Variants in ANKRD10 observed in about 807,000 individuals in gnomAD.
The protein encoded by ANKRD10 is ankyrin repeat domain-containing protein 10.
In ANKRD10, 14 loss-of-function variants were observed where a neutral mutation model predicts 27.0. That is an observed-to-expected ratio of 0.52 (90% confidence interval 0.34 to 0.81). The LOEUF is 0.81. Among genes scored for constraint, ANKRD10 ranks in the 40% least tolerant of loss-of-function variants. The probability of loss-of-function intolerance (pLI) is 0.01; values close to 1 mark genes in which losing one functional copy is unlikely to be tolerated. For synonymous variants in ANKRD10, 250 were observed against 224.5 expected, an observed-to-expected ratio of 1.11 and a Z score of -1.01; for missense variants, 493 against 544.0, an observed-to-expected ratio of 0.91 and a Z score of 0.93.
chr13:110,898,289 A>G (rs544620515), intron 3 of ANKRD10, among the ~76,000 whole-genome samples: 1 of 152,366 alleles, frequency 6.6e-6, no homozygotes, highest in Admixed American at 6.5e-5. Context: ...CAAGTACGTT[A>G]GACTGAAAAT....
At chr13:110,890,853 C>T (rs1237636299) in intron 4 of ANKRD10, among the ~76,000 whole-genome samples, 1 of 152,174 alleles carries the variant, frequency 6.6e-6, no homozygotes. Context: ...TCAACCAAAA[C>T]AAATCCTCCT....
intron 5 of ANKRD10, among the ~76,000 whole-genome samples, chr13:110,880,471 G>A (rs1195644364): frequency 6.6e-6 from 1 of 152,062 alleles, no homozygotes; most frequent in Admixed American, 6.5e-5. Context: ...TTAAAAAATC[G>A]CCCCTGAAAA....
At chr13:110,897,685 T>C (rs1370104229) in intron 3 of ANKRD10, among the ~76,000 whole-genome samples, 4 of 152,202 alleles carry the variant, frequency 2.6e-5, no homozygotes, top group African/African-American at 7.2e-5. Flanking sequence ...GATGTCTCCA[T>C]ATATGGATTT....
At chr13:110,889,238 T>A (rs916606225) in intron 4 of ANKRD10, among the ~76,000 whole-genome samples, 2 of 152,130 alleles carry the variant, frequency 1.3e-5, no homozygotes, top group Non-Finnish European at 2.9e-5. Flanking sequence ...AGCCCATGCA[T>A]CATACCATCA....
intron 3 of ANKRD10, chr13:110,903,627 A>G (rs1303793484): frequency 6.5e-6 from 1 of 153,104 alleles, no homozygotes; most frequent in Non-Finnish European, 1.5e-5. Context: ...CTGATGTCCA[A>G]AAAAGCACAA....
intron 4 of ANKRD10, 131 bp downstream of exon 4, chr13:110,892,897 C>T (rs532667828): frequency 9.7e-5 from 141 of 1,458,378 alleles, no homozygotes; most frequent in Middle Eastern, 1.8e-4. Flanking sequence ...CCACCGTCAC[C>T]GCACAATCCA....
chr13:110,898,095 G>T (rs923281641), intron 3 of ANKRD10, among the ~76,000 whole-genome samples: 12 of 152,140 alleles, frequency 7.9e-5, no homozygotes, highest in African/African-American at 2.7e-4. Flanking sequence ...CTTGAGAGGG[G>T]TGTAAAACAA....
chr13:110,890,459 A>C (rs1007603168), intron 4 of ANKRD10, among the ~76,000 whole-genome samples: 1 of 152,186 alleles, frequency 6.6e-6, no homozygotes, highest in African/African-American at 2.4e-5. Flanking sequence ...AAAAAATATA[A>C]ACACACTCTT....
intron 4 of ANKRD10, among the ~76,000 whole-genome samples, chr13:110,887,671 T>C (rs2064968110): frequency 6.6e-6 from 1 of 152,188 alleles, no homozygotes; most frequent in Non-Finnish European, 1.5e-5. Context: ...ATTTTACAAG[T>C]CAGAAACTGC....
intron 3 of ANKRD10, chr13:110,894,402 GCAAAA>G (rs2065165346): frequency 1.8e-4 from 2 of 11,070 alleles, no homozygotes; most frequent in Non-Finnish European, 3.7e-4. Context: ...TACTGTTAAT[GCAAAA>G]AAAAAAAAAA....
intron 3 of ANKRD10, among the ~76,000 whole-genome samples, chr13:110,902,614 T>C (rs969900493): frequency 2.6e-5 from 4 of 152,200 alleles, no homozygotes; most frequent in Non-Finnish European, 5.9e-5. Context: ...TATCTGATGA[T>C]CCCAGTTAAG....
chr13:110,914,608 A>T (rs1161425285), intron 1 of ANKRD10, 117 bp downstream of exon 1: 19 of 1,410,214 alleles, frequency 1.3e-5, no homozygotes, highest in Non-Finnish European at 1.8e-5. Context: ...GGCGCCGTCG[A>T]TCCCGCTTCC....
chr13:110,884,445 C>T (rs1334447303), intron 4 of ANKRD10, among the ~76,000 whole-genome samples: 1 of 152,210 alleles, frequency 6.6e-6, no homozygotes, highest in Non-Finnish European at 1.5e-5. Context: ...CAAGCACCTC[C>T]GCCTCTGAAT....
rs145288531 is a variant in ANKRD10, at chr13:110,892,598, C to T, written c.691+430G>A. 1.8e-3 allele frequency: 757 copies of T among 431,930 alleles called. 10 individuals carry two copies. Among genetic ancestry groups the T allele is most frequent in the African/African-American group, 0.016 (726 of 46,100 alleles). The allele number at this position is 431,930 out of a possible 1,614,324, so 26.8% of individuals were successfully genotyped here. On this transcript the variant is annotated intron_variant, in intron 4 of 5. Transcript: ENST00000267339. ...CAGAAATAGTACAGAAAACATTCAC[C>T]TTCCCGAATGTGAAAATGTTTTACT...
At chr13:110,902,365 T>TAAAC (rs56349620) in intron 3 of ANKRD10, among the ~76,000 whole-genome samples, 99,753 of 151,512 alleles carry the variant, frequency 0.66, 33,871 homozygotes, top group East Asian at 0.84. Flanking sequence ...GGCTCTATGG[T>TAAAC]AAACAAAGGT....
intron 4 of ANKRD10, among the ~76,000 whole-genome samples, chr13:110,888,001 CA>C (rs1213325255): frequency 6.6e-6 from 1 of 152,196 alleles, no homozygotes; most frequent in Non-Finnish European, 1.5e-5. Flanking sequence ...ACATTTTACT[CA>C]ACTTTTTAAG....
At chr13:110,913,359 G>A (rs67483351) in intron 1 of ANKRD10, among the ~76,000 whole-genome samples, 14,349 of 152,242 alleles carry the variant, frequency 0.094, 827 homozygotes, top group South Asian at 0.15. Flanking sequence ...AGAAGCGCAG[G>A]GAGGAGGCTT....
chr13:110,892,836 C>G, intron 4 of ANKRD10, 192 bp downstream of exon 4: 1 of 1,375,596 alleles, frequency 7.3e-7, no homozygotes, highest in Non-Finnish European at 9.4e-7. Flanking sequence ...ATTTCCCTCA[C>G]ATTCCCTTTT....
At chr13:110,899,989 A>C (rs1189172635) in intron 3 of ANKRD10, among the ~76,000 whole-genome samples, 3 of 152,198 alleles carry the variant, frequency 2.0e-5, no homozygotes, top group Non-Finnish European at 4.4e-5. Flanking sequence ...AAGCAGGAGG[A>C]TCACTTGAGG....
Sources: gnomAD v4.1 joint callset for allele counts (sites outside exome capture counted in the v4.1 genomes callset) on GRCh38, gnomAD v4.1.1 for gene constraint, MANE v1.5 for transcripts, NCBI Gene and HGNC (gene_info 2026-07-23, HGNC 2026-07-21) for gene names.